STX18: variants seen among roughly 807,000 people sequenced by gnomAD.
STX18 encodes the protein syntaxin-18.
Under a neutral mutation model 50.1 loss-of-function variants are expected in STX18, and 40 were observed. The observed-to-expected ratio is 0.80, with a 90% confidence interval of 0.62 to 1.04. STX18 has a LOEUF of 1.04. Among genes scored for constraint, STX18 ranks in the 50% least tolerant of loss-of-function variants. STX18 has a pLI of 0.00. For missense variants in STX18, 410 were observed against 415.8 expected, an observed-to-expected ratio of 0.99 and a Z score of 0.12; for synonymous variants, 158 against 151.8, an observed-to-expected ratio of 1.04 and a Z score of -0.30.
intron 1 of STX18, among the ~76,000 whole-genome samples, chr4:4,502,976 G>C (rs1051025240): frequency 3.9e-5 from 6 of 152,136 alleles, no homozygotes; most frequent in African/African-American, 1.4e-4. Flanking sequence ...AGAAATCCTG[G>C]GGAAGCTGAG....
intron 1 of STX18, among the ~76,000 whole-genome samples, chr4:4,534,306 T>A (rs1731236111): frequency 6.6e-6 from 1 of 152,184 alleles, no homozygotes; most frequent in East Asian, 1.9e-4. Flanking sequence ...CTATTTAGAA[T>A]TAAGAAGAAG....
intron 1 of STX18, among the ~76,000 whole-genome samples, chr4:4,534,222 T>C (rs1300985280): frequency 6.6e-6 from 1 of 152,242 alleles, no homozygotes; most frequent in Non-Finnish European, 1.5e-5. Context: ...TAAGCACTGC[T>C]GCTGGGGAGT....
chr4:4,448,569 T>C (rs1726560505), intron 5 of STX18, among the ~76,000 whole-genome samples: 1 of 152,216 alleles, frequency 6.6e-6, no homozygotes, highest in African/African-American at 2.4e-5. Context: ...CTCAAACTCC[T>C]GATCTCAAGT....
intron 1 of STX18, among the ~76,000 whole-genome samples, chr4:4,540,380 C>T (rs974936472): frequency 7.2e-5 from 11 of 152,314 alleles, no homozygotes; most frequent in African/African-American, 2.6e-4. Flanking sequence ...TTATGAGAGT[C>T]CCACATTCCA....
chr4:4,519,536 G>C (rs988235189), intron 1 of STX18, among the ~76,000 whole-genome samples: 6 of 152,144 alleles, frequency 3.9e-5, no homozygotes, highest in East Asian at 1.9e-4. Context: ...ACAGTTAATA[G>C]AATTAACATG....
At chr4:4,504,773 A>G (rs965860345) in intron 1 of STX18, among the ~76,000 whole-genome samples, 1 of 152,184 alleles carries the variant, frequency 6.6e-6, no homozygotes, top group African/African-American at 2.4e-5. Context: ...CACCTATTAA[A>G]ATAGCTGAAA....
Position 4,461,788 on chromosome 4 carries a change from A to G in STX18, c.237-2301T>C, listed in dbSNP as rs146900326. On this transcript the variant is annotated intron_variant, in intron 2 of 10. Transcript: ENST00000306200. ...CCCTAATCCTCATGTTTCTGTGGGAACCAACTTCCCCAAATGACACCTTGC... is the reference window on the plus strand; with the variant it reads ...CCCTAATCCTCATGTTTCTGTGGGAGCCAACTTCCCCAAATGACACCTTGC... 2.6e-3 allele frequency: 1,139 copies of G among 446,356 alleles called. 5 individuals are homozygous for G. Among genetic ancestry groups the G allele is most frequent in the Non-Finnish European group, 4.4e-3 (968 of 221,308 alleles). 27.6% of individuals were successfully genotyped at this position (446,356 alleles called of 1,614,324 possible).
chr4:4,445,750 A>G (rs1726362389), intron 5 of STX18, among the ~76,000 whole-genome samples: 1 of 148,936 alleles, frequency 6.7e-6, no homozygotes, highest in South Asian at 2.1e-4. Context: ...TAAGATGTCC[A>G]TTCTCCCCAA....
At chr4:4,508,402 T>G (rs879505983) in intron 1 of STX18, among the ~76,000 whole-genome samples, 6 of 151,036 alleles carry the variant, frequency 4.0e-5, no homozygotes, top group East Asian at 1.9e-4. Context: ...GAAAATCTTG[T>G]TTTTTTTTGT....
intron 7 of STX18, among the ~76,000 whole-genome samples, chr4:4,429,503 G>A (rs922379121): frequency 6.6e-6 from 1 of 152,160 alleles, no homozygotes; most frequent in Non-Finnish European, 1.5e-5. Context: ...AAAAGCTGAG[G>A]AGCACAGGGG....
chr4:4,448,424 C>T (rs1028561997), intron 5 of STX18, among the ~76,000 whole-genome samples: 1 of 152,146 alleles, frequency 6.6e-6, no homozygotes, highest in Admixed American at 6.5e-5. Context: ...TCACCACAAC[C>T]TCTACCTTCC....
intron 7 of STX18, 143 bp from the exon 8 acceptor site, chr4:4,425,365 C>T (rs975386125): frequency 1.7e-5 from 12 of 716,084 alleles, no homozygotes; most frequent in African/African-American, 1.4e-4. Flanking sequence ...GCTGGACGAC[C>T]GTTAGCATTA....
Position 4,480,837 on chromosome 4 carries a change from T to G in STX18, c.169-9131A>C, listed in dbSNP as rs1336545107. Among the ~76,000 whole-genome samples the G allele has an allele frequency of 2.0e-5, 3 of 152,306 alleles. No individual in the cohort carries two copies. In the East Asian group the frequency reaches 5.8e-4, roughly 29 times the overall value. ...GTTTTTTCCCAAGGACTTTAAAAATTTCTCTGATTCTTTTGATCTGGAATC... is the reference window on the plus strand; with the variant it reads ...GTTTTTTCCCAAGGACTTTAAAAATGTCTCTGATTCTTTTGATCTGGAATC... On this transcript the variant is annotated intron_variant, in intron 1 of 10. Coordinates refer to ENST00000306200, the MANE Select transcript of STX18 (RefSeq NM_016930.4).
At chr4:4,523,162 A>T (rs1730591087) in intron 1 of STX18, among the ~76,000 whole-genome samples, 1 of 152,216 alleles carries the variant, frequency 6.6e-6, no homozygotes. Context: ...TCATGGCACA[A>T]ATCATTCCAG....
chr4:4,536,656 A>C (rs1430592740), intron 1 of STX18, among the ~76,000 whole-genome samples: 1 of 152,184 alleles, frequency 6.6e-6, no homozygotes, highest in East Asian at 1.9e-4. Flanking sequence ...AAGGAGGGGG[A>C]GAGGAGGTGA....
At chr4:4,488,240 C>T (rs970745899) in intron 1 of STX18, among the ~76,000 whole-genome samples, 3 of 152,002 alleles carry the variant, frequency 2.0e-5, no homozygotes, top group East Asian at 1.9e-4. Flanking sequence ...CTCTTACTAC[C>T]GAGGTTGAAC....
chr4:4,505,747 C>T (rs1281668093), intron 1 of STX18, among the ~76,000 whole-genome samples: 3 of 152,164 alleles, frequency 2.0e-5, no homozygotes, highest in Non-Finnish European at 2.9e-5. Context: ...TGACATCAAG[C>T]ACTGCACTCC....
intron 7 of STX18, among the ~76,000 whole-genome samples, chr4:4,430,702 G>A (rs1249026226): frequency 6.6e-6 from 1 of 152,196 alleles, no homozygotes; most frequent in Non-Finnish European, 1.5e-5. Flanking sequence ...GCTAAAACAC[G>A]TGCAGGGCAT....
At chr4:4,535,157 T>C (rs1211755258) in intron 1 of STX18, among the ~76,000 whole-genome samples, 1 of 152,224 alleles carries the variant, frequency 6.6e-6, no homozygotes, top group Admixed American at 6.5e-5. Flanking sequence ...TTTCCACTGA[T>C]TCTCCCCTAA....
Sources: allele counts gnomAD v4.1 joint callset (sites outside exome capture counted in the v4.1 genomes callset), GRCh38; gene constraint gnomAD v4.1.1; transcripts MANE v1.5; gene names NCBI Gene and HGNC (gene_info 2026-07-23, HGNC 2026-07-21).